ELAVL4: variants seen among roughly 807,000 people sequenced by gnomAD.
ELAVL4 encodes the protein ELAV like RNA binding protein 4.
Under a neutral mutation model 35.6 loss-of-function variants are expected in ELAVL4, and 1 was observed. The ratio of observed to expected loss-of-function variants is 0.03; its 90% CI spans 0.01 to 0.13. ELAVL4 has a LOEUF of 0.13. Ranked by LOEUF, ELAVL4 falls within the 10% of genes least tolerant of loss-of-function variation. ELAVL4 has a pLI of 1.00. For synonymous variants in ELAVL4, 156 were observed against 171.0 expected, an observed-to-expected ratio of 0.91 and a Z score of 0.69; for missense variants, 267 against 464.9, an observed-to-expected ratio of 0.57 and a Z score of 3.91.
chr1:50,112,914 G>C (rs1325055765), intron 1 of ELAVL4, among the ~76,000 whole-genome samples: 1 of 152,096 alleles, frequency 6.6e-6, no homozygotes, highest in African/African-American at 2.4e-5. Flanking sequence ...AGGCCAGATT[G>C]TTGTGAGATA....
Position 50,109,213 on chromosome 1 carries a change from A to T in ELAVL4, c.9+15A>T. 1.2e-6 allele frequency: 2 copies of T among 1,612,228 alleles called. No homozygotes were observed. Among genetic ancestry groups the T allele is most frequent in the Non-Finnish European group, 1.7e-6 (2 of 1,178,916 alleles). The stretch of plus-strand genomic sequence containing the variant: ...GAATGGTTATGGTAGGTATGACTAG[A>T]TTTATAATCTGTTGTTTGTGTTGCT... On this transcript the variant is annotated intron_variant, in intron 1 of 6. Coordinates refer to ENST00000371824, the MANE Select transcript of ELAVL4 (RefSeq NM_001144774.3).
chr1:50,055,360 C>T (rs896054291), intron 1 of ELAVL4, among the ~76,000 whole-genome samples: 2 of 152,076 alleles, frequency 1.3e-5, no homozygotes, highest in East Asian at 3.9e-4. Context: ...AGTGCAGTGC[C>T]GCGATCTTGG....
chr1:50,166,169 T>A (rs570432874), intron 2 of ELAVL4, among the ~76,000 whole-genome samples: 1 of 152,160 alleles, frequency 6.6e-6, no homozygotes, highest in South Asian at 2.1e-4. Context: ...TTTGTAGCCT[T>A]CAATCCAATC....
At chr1:50,089,339 T>C (rs745866833) in intron 1 of ELAVL4, among the ~76,000 whole-genome samples, 3 of 152,142 alleles carry the variant, frequency 2.0e-5, no homozygotes, top group Non-Finnish European at 4.4e-5. Context: ...ACTTTAAAGG[T>C]TTTCCTTTTT....
In ELAVL4 at chr1:50,081,221, T is replaced by C. The variant is rs566642755; in HGVS notation, c.18+33039T>C. 4.6e-5 allele frequency among the ~76,000 whole-genome samples: 7 copies of C among 152,300 alleles called. No individual in the cohort carries two copies. The East Asian group carries it at 1.4e-3, about 29-fold the overall frequency. On this transcript the variant is annotated intron_variant, in intron 1 of 6. Transcript: ENST00000448907. ...GGTTAGTCAAGCTGCCATATGCATA[T>C]AATTACATATTTTTAAAATTTGAAT... is the stretch of plus-strand genomic sequence containing the variant.
upstream of ELAVL4, among the ~76,000 whole-genome samples, chr1:50,106,873 G>A (rs1666369172): frequency 6.6e-6 from 1 of 152,180 alleles, no homozygotes; most frequent in African/African-American, 2.4e-5. Context: ...AAAGTGGCCA[G>A]AATACCTTTT....
At chr1:50,055,122 G>C (rs951971776) in intron 1 of ELAVL4, among the ~76,000 whole-genome samples, 4 of 152,190 alleles carry the variant, frequency 2.6e-5, no homozygotes, top group African/African-American at 9.6e-5. Flanking sequence ...TATGCCTTCT[G>C]TTTCCTGTTG....
intron 3 of ELAVL4, among the ~76,000 whole-genome samples, chr1:50,192,521 A>ACACG (rs1557861314): frequency 2.1e-5 from 2 of 95,326 alleles, no homozygotes; most frequent in Admixed American, 2.2e-4. Flanking sequence ...GTGTGCACGC[A>ACACG]CACACACACA....
At chr1:50,118,137 C>T (rs1322542851) in intron 1 of ELAVL4, among the ~76,000 whole-genome samples, 1 of 152,112 alleles carries the variant, frequency 6.6e-6, no homozygotes, top group Non-Finnish European at 1.5e-5. Flanking sequence ...ATGGTCCCAT[C>T]TTTGCTGTCT....
intron 2 of ELAVL4, among the ~76,000 whole-genome samples, chr1:50,159,937 AG>A (rs1250121311): frequency 6.6e-6 from 1 of 152,174 alleles, no homozygotes; most frequent in African/African-American, 2.4e-5. Context: ...TACTCCCAGG[AG>A]GAACAGAAAA....
At chr1:50,133,580 GAGAAAGAAAGAAAGAAAGAAA>G (rs1334151014) in intron 1 of ELAVL4, among the ~76,000 whole-genome samples, 1 of 89,388 alleles carries the variant, frequency 1.1e-5, no homozygotes. Context: ...GAAAGAGAGA[GAGAAAGAAAGAAAGAAAGAAA>G]AGAAAGAAAG....
intron 1 of ELAVL4, among the ~76,000 whole-genome samples, chr1:50,095,509 G>C (rs1055253665): frequency 4.6e-5 from 7 of 151,960 alleles, no homozygotes; most frequent in African/African-American, 1.4e-4. Context: ...AAACTATATA[G>C]TCTCCTTTTA....
At chr1:50,177,272 G>A in intron 3 of ELAVL4, 80 bp downstream of exon 3, 1 of 1,069,340 alleles carries the variant, frequency 9.4e-7, no homozygotes, top group Admixed American at 1.8e-5. Flanking sequence ...TCCAGGCTAT[G>A]TGGGGGCTGG....
Position 50,050,976 on chromosome 1 carries a change from T to TA in ELAVL4, c.18+2795dup, listed in dbSNP as rs1404334229. On this transcript the variant is annotated intron_variant, in intron 1 of 6. Transcript: ENST00000448907. ...TTGATATATTCAAATTCATCTTTTT[T>TA]ATAGGGCAGAATCAACACTATATAG... Among the ~76,000 whole-genome samples, 5 of 152,326 alleles carry TA rather than the reference T, an allele frequency of 3.3e-5. No individual in the cohort carries two copies. In the East Asian group the frequency reaches 9.6e-4, roughly 29 times the overall value.
chr1:50,141,136 T>G (rs1672748507), intron 1 of ELAVL4, among the ~76,000 whole-genome samples: 1 of 152,208 alleles, frequency 6.6e-6, no homozygotes, highest in African/African-American at 2.4e-5. Context: ...TTTCACCACG[T>G]GTCTGAAAAC....
Position 50,083,418 on chromosome 1 carries a change from G to A in ELAVL4, c.18+35236G>A, listed in dbSNP as rs565076834. ...ACTAATTCATCAAAGTAGTTCACAG[G>A]TGAGGAAATTGGAAGCTTAAAGAGG... is the stretch of plus-strand genomic sequence containing the variant. On this transcript the variant is annotated intron_variant, in intron 1 of 6. Transcript: ENST00000448907. 5.3e-5 allele frequency among the ~76,000 whole-genome samples: 8 copies of A among 152,150 alleles called. No individual in the cohort carries two copies. The South Asian group carries it at 1.7e-3, about 32-fold the overall frequency.
chr1:50,137,005 C>T (rs545350066), intron 1 of ELAVL4, among the ~76,000 whole-genome samples: 2 of 152,244 alleles, frequency 1.3e-5, no homozygotes, highest in East Asian at 3.9e-4. Context: ...TGTAGGTTAA[C>T]TAGATTAAAA....
upstream of ELAVL4, among the ~76,000 whole-genome samples, chr1:50,107,804 A>G (rs980609340): frequency 6.6e-6 from 1 of 152,220 alleles, no homozygotes; most frequent in Non-Finnish European, 1.5e-5. Context: ...AGCCACTTAA[A>G]AAACCCAAAC....
chr1:50,116,003 A>G (rs1667878536), intron 1 of ELAVL4, among the ~76,000 whole-genome samples: 1 of 152,136 alleles, frequency 6.6e-6, no homozygotes, highest in Admixed American at 6.5e-5. Context: ...CTGCTGGAAC[A>G]TTCAAGTACA....
Sources: allele counts gnomAD v4.1 joint callset (sites outside exome capture counted in the v4.1 genomes callset), GRCh38; gene constraint gnomAD v4.1.1; transcripts MANE v1.5; gene names NCBI Gene and HGNC (gene_info 2026-07-23, HGNC 2026-07-21).